The following PTPRD variants were observed in gnomAD, a reference collection of about 807,000 sequenced individuals.
PTPRD encodes protein tyrosine phosphatase receptor type D.
Under a neutral mutation model 214.5 loss-of-function variants are expected in PTPRD, and 34 were observed. That is an observed-to-expected ratio of 0.16 (90% confidence interval 0.12 to 0.21). The LOEUF is 0.21. Ranked by LOEUF, PTPRD falls within the 10% of genes least tolerant of loss-of-function variation. The pLI, the probability that PTPRD is intolerant of heterozygous loss-of-function variation, is 1.00. For missense variants in PTPRD, 2,545 were observed against 2,398.7 expected (o/e 1.06, Z -1.27); for synonymous variants, 1,128 against 845.7 (o/e 1.33, Z -5.79).
chr9:8,956,864 C>G (rs111445272), intron 11 of PTPRD, among the ~76,000 whole-genome samples: 2,806 of 151,916 alleles, frequency 0.018, 81 homozygotes, highest in African/African-American at 0.063. Context: ...ACCAATCACC[C>G]AGGCCCCACT....
At chr9:10,610,448 G>A (rs1236310436) in intron 2 of PTPRD, among the ~76,000 whole-genome samples, 1 of 151,862 alleles carries the variant, frequency 6.6e-6, no homozygotes, top group East Asian at 1.9e-4. Flanking sequence ...TAACATGTTT[G>A]AACCACTGTT....
intron 5 of PTPRD, among the ~76,000 whole-genome samples, chr9:9,852,348 T>A (rs1329235603): frequency 1.3e-5 from 2 of 152,052 alleles, no homozygotes; most frequent in Non-Finnish European, 2.9e-5. Context: ...TTGTTAGCTA[T>A]TATTCCCATC....
chr9:9,263,960 A>C (rs1325093135), intron 9 of PTPRD, among the ~76,000 whole-genome samples: 1 of 151,612 alleles, frequency 6.6e-6, no homozygotes, highest in African/African-American at 2.4e-5. Flanking sequence ...AGAGCAAGAG[A>C]TATGGAAGAG....
At chr9:9,473,423 G>T (rs1026777367) in intron 8 of PTPRD, among the ~76,000 whole-genome samples, 2 of 152,116 alleles carry the variant, frequency 1.3e-5, no homozygotes, top group Admixed American at 6.5e-5. Flanking sequence ...GAATAAAACT[G>T]CAATAAACGT....
intron 10 of PTPRD, among the ~76,000 whole-genome samples, chr9:9,099,274 T>C (rs558606279): frequency 6.6e-6 from 1 of 152,318 alleles, no homozygotes; most frequent in South Asian, 2.1e-4. Context: ...GGGTGCTGGT[T>C]CATAATTATT....
In PTPRD at chr9:9,297,564, G is replaced by T. The variant is rs987698638; in HGVS notation, c.-203+99885C>A. Among the ~76,000 whole-genome samples the T allele has an allele frequency of 1.5e-4, 23 of 151,522 alleles. 1 individual carries two copies. The highest frequency in any genetic ancestry group is 3.0e-4 in the Non-Finnish European group (20 of 67,740). On this transcript the variant is annotated intron_variant, in intron 9 of 45. Coordinates refer to ENST00000381196, the MANE Select transcript of PTPRD (RefSeq NM_002839.4). ...TAGATTGGGAACAGGATTATTTCAG[G>T]TAGTTTCCACAGAAATATATAAATA... is the stretch of plus-strand genomic sequence containing the variant.
chr9:8,356,207 G>C (rs1255095724), intron 39 of PTPRD, among the ~76,000 whole-genome samples: 1 of 152,068 alleles, frequency 6.6e-6, no homozygotes, highest in African/African-American at 2.4e-5. Context: ...CCCACCTTTT[G>C]AGTTTTCTTT....
chr9:9,392,950 G>C (rs1191086357), intron 9 of PTPRD, among the ~76,000 whole-genome samples: 1 of 152,150 alleles, frequency 6.6e-6, no homozygotes, highest in Non-Finnish European at 1.5e-5. Flanking sequence ...TGGGAGAATG[G>C]GGTGGAGCCA....
chr9:8,697,729 T>G (rs2097955128), intron 12 of PTPRD, among the ~76,000 whole-genome samples: 1 of 152,052 alleles, frequency 6.6e-6, no homozygotes, highest in Non-Finnish European at 1.5e-5. Flanking sequence ...AGGCCTGGAT[T>G]TTTTTAAAGA....
intron 5 of PTPRD, among the ~76,000 whole-genome samples, chr9:9,875,952 T>C (rs563129073): frequency 6.6e-6 from 1 of 152,210 alleles, no homozygotes; most frequent in Admixed American, 6.5e-5. Context: ...GAGAGACATA[T>C]GACTACTGCA....
intron 33 of PTPRD, among the ~76,000 whole-genome samples, chr9:8,453,371 A>C (rs937381447): frequency 2.0e-5 from 3 of 151,840 alleles, no homozygotes; most frequent in Non-Finnish European, 4.4e-5. Flanking sequence ...TCGCCGTGTT[A>C]GTCAGGATGG....
intron 14 of PTPRD, among the ~76,000 whole-genome samples, chr9:8,590,065 C>T (rs933978706): frequency 6.6e-6 from 1 of 151,968 alleles, no homozygotes; most frequent in Non-Finnish European, 1.5e-5. Flanking sequence ...GGATTATGAC[C>T]TAGGCCATAC....
chr9:9,346,036 G>C (rs756975148), intron 9 of PTPRD, among the ~76,000 whole-genome samples: 2 of 152,118 alleles, frequency 1.3e-5, no homozygotes, highest in African/African-American at 2.4e-5. Flanking sequence ...TGCTCTTTAA[G>C]AGTATAGAAT....
intron 4 of PTPRD, among the ~76,000 whole-genome samples, chr9:9,988,863 T>C (rs909974214): frequency 7.3e-5 from 11 of 151,540 alleles, no homozygotes; most frequent in African/African-American, 2.7e-4. Context: ...TCTACTTCCA[T>C]CAGGAAAAAT....
intron 11 of PTPRD, among the ~76,000 whole-genome samples, chr9:9,007,540 A>G (rs1402360174): frequency 1.3e-5 from 2 of 151,884 alleles, no homozygotes; most frequent in East Asian, 1.9e-4. Context: ...ATACAAACCT[A>G]TCAATATTTC....
At chr9:10,185,155 C>T (rs1405152081) in intron 3 of PTPRD, among the ~76,000 whole-genome samples, 5 of 152,138 alleles carry the variant, frequency 3.3e-5, no homozygotes, top group East Asian at 1.9e-4. Flanking sequence ...CACTGTTAAT[C>T]TTTACAGAAT....
chr9:8,335,368 A>G (rs1234531354), intron 43 of PTPRD, among the ~76,000 whole-genome samples: 3 of 152,162 alleles, frequency 2.0e-5, no homozygotes, highest in Non-Finnish European at 2.9e-5. Context: ...AATCCATCAC[A>G]TACACAGAAC....
intron 11 of PTPRD, among the ~76,000 whole-genome samples, chr9:8,847,312 TTAATTTA>T (rs2154539933): frequency 6.6e-6 from 1 of 152,308 alleles, no homozygotes; most frequent in South Asian, 2.1e-4. Flanking sequence ...CTTATCATTC[TTAATTTA>T]TAAGTATTAT....
chr9:10,271,040 G>T (rs1011055800), intron 3 of PTPRD, among the ~76,000 whole-genome samples: 21 of 152,116 alleles, frequency 1.4e-4, no homozygotes, highest in African/African-American at 5.1e-4. Flanking sequence ...GCCCAGGTTG[G>T]TCTTGAACTT....
Sources: gnomAD v4.1 joint callset for allele counts (sites outside exome capture counted in the v4.1 genomes callset) on GRCh38, gnomAD v4.1.1 for gene constraint, MANE v1.5 for transcripts, NCBI Gene and HGNC (gene_info 2026-07-23, HGNC 2026-07-21) for gene names.